Variants in TP53I13 observed in about 807,000 individuals in gnomAD.
The protein encoded by TP53I13 is tumor protein p53-inducible protein 13.
TP53I13 carries 27 observed loss-of-function variants against 39.1 expected under a neutral mutation model. The observed-to-expected ratio is 0.69, with a 90% CI of 0.51 to 0.95. TP53I13 has a LOEUF of 0.95. Among genes scored for constraint, TP53I13 ranks in the 40% least tolerant of loss-of-function variants. The pLI is 0.00. For synonymous variants in TP53I13, 230 were observed against 224.6 expected, an observed-to-expected ratio of 1.02 and a Z score of -0.22; for missense variants, 544 against 520.4, an observed-to-expected ratio of 1.05 and a Z score of -0.44.
upstream of TP53I13, chr17:29,568,012 A>T (rs1170652585): frequency 1.3e-5 from 2 of 151,788 alleles, no homozygotes; most frequent in East Asian, 3.9e-4. This position sits in a 1 kb window ranked among gnomAD's most constrained non-coding sequence, Gnocchi z 4.5. Context: ...TCTCGCGGCG[A>T]CCAATCTCTT....
downstream of TP53I13, chr17:29,574,986 G>A: frequency 6.7e-7 from 1 of 1,484,664 alleles, no homozygotes; most frequent in Non-Finnish European, 9.2e-7. Context: ...CAGTTTGTCT[G>A]TGTCTCCACC....
chr17:29,578,318 A>G, the TP53I13 span: 2 of 1,614,020 alleles, frequency 1.2e-6, no homozygotes, highest in Non-Finnish European at 1.7e-6. Context: ...TTTCTCTTCG[A>G]TCCACCTCGT....
At chr17:29,569,486 T>C in intron 3 of TP53I13, 127 bp downstream of exon 3, 1 of 907,196 alleles carries the variant, frequency 1.1e-6, no homozygotes, top group South Asian at 1.6e-5. Context: ...AGAGGCAGGG[T>C]TCTAGTTCTC....
chr17:29,572,197 C>T lies in TP53I13; in HGVS notation c.569C>T (p.Thr190Ile), dbSNP rs1036788784. Residue 190 changes from threonine to isoleucine, a missense_variant, in exon 6 of 7, where the codon ACA becomes ATA. By Grantham distance (89) the Thr-to-Ile change is moderately conservative. Coordinates refer to ENST00000301057, the MANE Select transcript of TP53I13 (RefSeq NM_138349.4). ...RSWRPPGTEV[T>I]SQGPRQPSSS... ...TGGCGGCCCCCTGGCACAGAGGTGA[C>T]ATCTCAAGGGCCCAGGCAGCCCTCT... 1.5e-5 allele frequency: 24 copies of T among 1,611,264 alleles called. No individual in the cohort carries two copies. The highest frequency in any genetic ancestry group is 1.9e-5 in the Non-Finnish European group (23 of 1,179,522).
intron 3 of TP53I13, 21 bp from the exon 4 acceptor site, chr17:29,571,568 ATG>A: frequency 6.2e-7 from 1 of 1,612,402 alleles, no homozygotes; most frequent in Non-Finnish European, 8.5e-7. Context: ...GCCTGCTTTG[ATG>A]TCTCTGTGCC....
At chr17:29,566,402 C>G (rs765251819), upstream of TP53I13, 3 of 1,611,742 alleles carry the variant, frequency 1.9e-6, no homozygotes, top group Admixed American at 1.7e-5. Context: ...TGGAAGATGA[C>G]CGGGTAGTAG....
At chr17:29,569,652 C>G (rs1160154066) in intron 3 of TP53I13, 1 of 326,848 alleles carries the variant, frequency 3.1e-6, no homozygotes, top group African/African-American at 2.1e-5. Context: ...CTGAGAGTAG[C>G]TGGAAAAAAC....
At chr17:29,576,690 T>A, downstream of TP53I13, 6 of 1,613,568 alleles carry the variant, frequency 3.7e-6, no homozygotes, top group Non-Finnish European at 5.1e-6. Context: ...GAGAGAGACC[T>A]AAGCTGGTCA....
chr17:29,581,971 A>T, the TP53I13 span: 9 of 1,585,094 alleles, frequency 5.7e-6, no homozygotes, highest in Non-Finnish European at 7.7e-6. The surrounding 1 kb of genome is among the most constrained non-coding windows in gnomAD (Gnocchi z 4.8). Flanking sequence ...CAGGGGAGCC[A>T]GGGTCAGCCC....
chr17:29,574,366 T>TG (rs2033105166), downstream of TP53I13: 4 of 333,070 alleles, frequency 1.2e-5, no homozygotes, highest in East Asian at 2.8e-4. Context: ...CTGCCCCACT[T>TG]GGAGTGTCCC....
At chr17:29,569,690 C>T (rs556698421) in intron 3 of TP53I13, 46 of 281,266 alleles carry the variant, frequency 1.6e-4, no homozygotes, top group Middle Eastern at 2.2e-3. Flanking sequence ...GAGGAGACAG[C>T]GGGAAGTCTC....
At chr17:29,568,433 G>A, upstream of TP53I13, 1 of 152,638 alleles carries the variant, frequency 6.6e-6, no homozygotes, top group Non-Finnish European at 1.5e-5. The surrounding 1 kb of genome is among the most constrained non-coding windows in gnomAD (Gnocchi z 4.5). Flanking sequence ...ACAGACTGCA[G>A]GGACCTGCTG....
chr17:29,568,663 G>GGGGC (rs1567759424), upstream of TP53I13: 1 of 781,040 alleles, frequency 1.3e-6, no homozygotes, highest in Non-Finnish European at 1.5e-6. This position sits in a 1 kb window ranked among gnomAD's most constrained non-coding sequence, Gnocchi z 4.5. Context: ...GGGCGGCGCG[G>GGGGC]GCGGCGCGGG....
chr17:29,569,574 G>A, intron 3 of TP53I13: 1 of 482,200 alleles, frequency 2.1e-6, no homozygotes, highest in South Asian at 3.6e-5. Flanking sequence ...CCTGTCATCT[G>A]CAATGCTGTG....
downstream of TP53I13, chr17:29,577,141 G>A (rs2033239407): frequency 6.2e-7 from 1 of 1,613,326 alleles, no homozygotes; most frequent in African/African-American, 1.3e-5. Flanking sequence ...CCCACCTGTG[G>A]GGCTGCTCAG....
downstream of TP53I13, chr17:29,577,768 C>A: frequency 2.8e-6 from 4 of 1,438,244 alleles, no homozygotes; most frequent in Non-Finnish European, 3.9e-6. Context: ...AGGAGCAGAT[C>A]AGCCACGGTG....
At chr17:29,579,713 A>AC in the TP53I13 span, among the ~76,000 whole-genome samples, 1 of 151,290 alleles carries the variant, frequency 6.6e-6, no homozygotes, top group African/African-American at 2.4e-5. Context: ...ACAGAGCGAG[A>AC]CCCCAACTCT....
At chr17:29,574,898 G>T, downstream of TP53I13, 1 of 1,566,972 alleles carries the variant, frequency 6.4e-7, no homozygotes, top group Non-Finnish European at 8.6e-7. Context: ...GCTCCGCACT[G>T]GCTCCAGGGC....
chr17:29,581,328 G>A, the TP53I13 span: 1 of 1,605,304 alleles, frequency 6.2e-7, no homozygotes, highest in African/African-American at 1.3e-5. This position sits in a 1 kb window ranked among gnomAD's most constrained non-coding sequence, Gnocchi z 4.8. Flanking sequence ...GGCATCAGGT[G>A]GGCACTCACC....
Sources: gnomAD v4.1 joint callset for allele counts (sites outside exome capture counted in the v4.1 genomes callset) on GRCh38, gnomAD v4.1.1 for gene constraint, Gnocchi (gnomAD v3.1) non-coding constraint, MANE v1.5 for transcripts, NCBI Gene and HGNC (gene_info 2026-07-23, HGNC 2026-07-21) for gene names.